CNOT11: variants seen among roughly 807,000 people sequenced by gnomAD.
CNOT11 encodes UPF0760 protein C2orf29.
A neutral mutation model predicts 44.6 loss-of-function variants in CNOT11; 18 were observed. That is an observed-to-expected ratio of 0.40 (90% CI 0.28 to 0.60). CNOT11 has a LOEUF of 0.60. Among genes scored for constraint, CNOT11 ranks in the 20% least tolerant of loss-of-function variants. The pLI is 0.38. For synonymous variants in CNOT11, 291 were observed against 270.9 expected (o/e 1.07, Z -0.73); for missense variants, 513 against 677.0 (o/e 0.76, Z 2.69).
chr2:101,268,817 T>A (rs1682048913), intron 5 of CNOT11, among the ~76,000 whole-genome samples: 1 of 152,130 alleles, frequency 6.6e-6, no homozygotes, highest in Non-Finnish European at 1.5e-5. Context: ...AAAAAAATAA[T>A]TGCGATATGT....
At position 101,257,692 on chromosome 2, in the gene CNOT11, GT is replaced by G. The variant is rs1374106253; in HGVS notation, c.515-98del. 5 of 876,906 alleles carry G rather than the reference GT, an allele frequency of 5.7e-6. No homozygotes were observed. The African/African-American group carries it at 6.7e-5, about 12-fold the overall frequency. The allele number at this position is 876,906 out of a possible 1,614,324, so 54.3% of individuals were successfully genotyped here. A position where few individuals can be genotyped will look rare whatever the true frequency, so the allele number is the denominator to read the frequency against. ...ATCATAATTTAGTTCTTAAAACTAT[GT>G]GGCTTGAAGTGGCAAGTAGCAAGTA... On this transcript the variant is annotated intron_variant, in intron 1 of 6. Transcript: ENST00000289382.
At chr2:101,265,403 A>C (rs1351240221) in intron 4 of CNOT11, among the ~76,000 whole-genome samples, 1 of 151,908 alleles carries the variant, frequency 6.6e-6, no homozygotes, top group Non-Finnish European at 1.5e-5. Flanking sequence ...CATTGTGAGC[A>C]TTTTCTTATC....
rs896161954 is a variant in CNOT11 at position 101,269,477 on chromosome 2, G to A, written c.*64G>A. On this transcript the variant is annotated 3_prime_UTR_variant, in exon 7 of 7. Transcript: ENST00000289382. The surrounding 1 kb of genome is among the most constrained non-coding windows in gnomAD (Gnocchi z 4.8). ...TGTACTGTGATTTAGTTTTTACACCGTTAAAACCCTGAGTGGATTGCTTGG... is the reference window on the plus strand; with the variant it reads ...TGTACTGTGATTTAGTTTTTACACCATTAAAACCCTGAGTGGATTGCTTGG... 65 of 1,417,606 alleles carry A rather than the reference G, an allele frequency of 4.6e-5. 1 individual carries two copies. Among genetic ancestry groups the A allele is most frequent in the Admixed American group, 3.4e-4 (19 of 56,636 alleles). 87.8% of individuals were successfully genotyped at this position (1,417,606 alleles called of 1,614,324 possible).
intron 2 of CNOT11, 38 bp from the exon 3 acceptor site, chr2:101,262,501 C>T (rs1448425679): frequency 6.2e-7 from 1 of 1,602,884 alleles, no homozygotes; most frequent in African/African-American, 1.3e-5. Context: ...TCTCTCTCCT[C>T]ATGATGTCCA....
At chr2:101,260,381 G>C (rs181586712) in intron 2 of CNOT11, among the ~76,000 whole-genome samples, 1 of 152,064 alleles carries the variant, frequency 6.6e-6, no homozygotes, top group African/African-American at 2.4e-5. Flanking sequence ...TTGAGTAGCC[G>C]TAAGAAAGTT....
intron 1 of CNOT11, among the ~76,000 whole-genome samples, chr2:101,256,865 G>A (rs1681743522): frequency 6.6e-6 from 1 of 151,812 alleles, no homozygotes. Flanking sequence ...TGGCTAACAC[G>A]GTGAAACCCT....
Position 101,253,227 on chromosome 2 carries a change from T to TG in CNOT11, c.264dup (p.Ser89ValfsTer32), listed in dbSNP as rs1246613877. The TG allele has an allele frequency of 6.2e-7, 1 of 1,610,416 alleles. No homozygotes were observed. The highest frequency in any genetic ancestry group is 8.5e-7 in the Non-Finnish European group (1 of 1,179,174). ...GGCGGCGGCAGCACCTTCGAGGGCC[T>TG]GTCCACCGCCTTCCACCACTACTTC... On this transcript the variant is annotated frameshift_variant, in exon 1 of 7. Transcript: ENST00000289382. LOFTEE classifies it high-confidence loss of function. This position sits in a 1 kb window ranked among gnomAD's most constrained non-coding sequence, Gnocchi z 4.3.
At chr2:101,264,764 A>T (rs914041794) in intron 3 of CNOT11, 81 bp from the exon 4 acceptor site, 4 of 1,112,708 alleles carry the variant, frequency 3.6e-6, no homozygotes, top group Admixed American at 1.8e-5. Flanking sequence ...ATTTCTTTGC[A>T]TACTTTATTA....
chr2:101,257,991 G>C, intron 2 of CNOT11, 36 bp downstream of exon 2: 2 of 1,578,806 alleles, frequency 1.3e-6, no homozygotes, highest in Non-Finnish European at 1.7e-6. Flanking sequence ...ATTTCTGTGT[G>C]GTAATATTAG....
At position 101,266,771 on chromosome 2, in the gene CNOT11, T is replaced by A. The variant is rs1681994367; in HGVS notation, c.1130T>A (p.Val377Asp). 6.2e-7 allele frequency: 1 copy of A among 1,614,104 alleles called. No individual in the cohort carries two copies. The highest frequency in any genetic ancestry group is 8.5e-7 in the Non-Finnish European group (1 of 1,179,958). ...LPDLVENNPL[V>D]AIEMLLKLMQ... ...GACCTTGTGGAAAACAACCCTTTAG[T>A]CGCTATAGAAATGTTGCTGAAATTA... is the stretch of plus-strand genomic sequence containing the variant. Residue 377 changes from valine to aspartate, a missense_variant, in exon 5 of 7, where the codon GTC (valine) becomes GAC (aspartate). Physicochemically the swap from Val to Asp is radical, Grantham distance 152 (BLOSUM62 -3). Transcript: ENST00000289382.
chr2:101,258,547 GTTTTTT>G (rs1232396966), intron 2 of CNOT11, among the ~76,000 whole-genome samples: 1 of 150,982 alleles, frequency 6.6e-6, no homozygotes, highest in African/African-American at 2.4e-5. Context: ...AATTTAGTGG[GTTTTTT>G]TTTAAGTTTT....
chr2:101,268,015 C>G (rs935979335), intron 5 of CNOT11, among the ~76,000 whole-genome samples: 4 of 152,040 alleles, frequency 2.6e-5, no homozygotes, highest in Admixed American at 2.6e-4. Flanking sequence ...TTTTCATCAA[C>G]TATTGGGGGA....
rs769604307 is a variant in CNOT11 at position 101,266,917 on chromosome 2, TAC to T, written c.1238+40_1238+41del. ...ATTTGATCAAATGTGTGGGGATAGA[TAC>T]AGATTAGATGGCCAGGAAAGAAAAA... is the stretch of plus-strand genomic sequence containing the variant. On this transcript the variant is annotated intron_variant, in intron 5 of 6. Transcript: ENST00000289382. 30 of 1,486,938 alleles carry T rather than the reference TAC, an allele frequency of 2.0e-5. No individual in the cohort carries two copies. In the Middle Eastern group the frequency reaches 6.9e-4, roughly 34 times the overall value. 92.1% of individuals were successfully genotyped at this position (1,486,938 alleles called of 1,614,324 possible). A position where few individuals can be genotyped will look rare whatever the true frequency, so the allele number is the denominator to read the frequency against.
At chr2:101,260,380 C>T (rs905130917) in intron 2 of CNOT11, among the ~76,000 whole-genome samples, 2 of 151,830 alleles carry the variant, frequency 1.3e-5, no homozygotes, top group Non-Finnish European at 1.5e-5. Flanking sequence ...CTTGAGTAGC[C>T]GTAAGAAAGT....
intron 5 of CNOT11, among the ~76,000 whole-genome samples, chr2:101,267,289 A>C (rs1682009116): frequency 6.6e-6 from 1 of 151,712 alleles, no homozygotes; most frequent in South Asian, 2.1e-4. Flanking sequence ...CACCCGACTA[A>C]TTTTTGTATT....
intron 2 of CNOT11, among the ~76,000 whole-genome samples, chr2:101,262,169 A>T (rs1681879570): frequency 6.6e-6 from 1 of 152,024 alleles, no homozygotes; most frequent in Non-Finnish European, 1.5e-5. Flanking sequence ...TTTTTAAAAC[A>T]TTGATTTAAA....
intron 1 of CNOT11, among the ~76,000 whole-genome samples, chr2:101,256,746 C>T (rs752631475): frequency 3.3e-5 from 5 of 152,168 alleles, no homozygotes; most frequent in Non-Finnish European, 5.9e-5. Flanking sequence ...AATTGAGGCA[C>T]TTTAGAAAAT....
In CNOT11 at chr2:101,253,592, T is replaced by G; in HGVS notation, c.514+114T>G. 5 of 989,022 alleles carry G rather than the reference T, an allele frequency of 5.1e-6. No individual in the cohort carries two copies. Among genetic ancestry groups the G allele is most frequent in the Non-Finnish European group, 7.0e-6 (5 of 715,842 alleles). 61.3% of individuals were successfully genotyped at this position (989,022 alleles called of 1,614,324 possible). Reference sequence around the variant, plus strand: ...ATTAACTATCCCTGTGAAATGATCATCCTCTTTTTCCGCCTCTCTCTGCGT... The same window carrying G: ...ATTAACTATCCCTGTGAAATGATCAGCCTCTTTTTCCGCCTCTCTCTGCGT... On this transcript the variant is annotated intron_variant, in intron 1 of 6. Transcript: ENST00000289382. This position sits in a 1 kb window ranked among gnomAD's most constrained non-coding sequence, Gnocchi z 4.3.
chr2:101,263,938 A>G (rs1001058494), intron 3 of CNOT11, among the ~76,000 whole-genome samples: 1 of 152,228 alleles, frequency 6.6e-6, no homozygotes, highest in Non-Finnish European at 1.5e-5. Flanking sequence ...ATTGTTAAAA[A>G]CTTTATTTTT....
Sources: gnomAD v4.1 joint callset for allele counts (sites outside exome capture counted in the v4.1 genomes callset) on GRCh38, gnomAD v4.1.1 for gene constraint, Gnocchi (gnomAD v3.1) non-coding constraint, MANE v1.5 for transcripts, NCBI Gene and HGNC (gene_info 2026-07-23, HGNC 2026-07-21) for gene names.